Variants in CRTC3 observed in about 807,000 individuals in gnomAD.
CRTC3 encodes the protein CREB regulated transcription coactivator 3.
In CRTC3, 26 loss-of-function variants were observed where a neutral mutation model predicts 74.5. That is an observed-to-expected ratio of 0.35 (90% CI 0.26 to 0.48). The LOEUF is 0.48. Ranked by LOEUF, CRTC3 falls within the 20% of genes least tolerant of loss-of-function variation. The pLI is 0.99. For synonymous variants in CRTC3, 377 were observed against 325.8 expected, an observed-to-expected ratio of 1.16 and a Z score of -1.69; for missense variants, 760 against 787.3, an observed-to-expected ratio of 0.97 and a Z score of 0.41.
intron 1 of CRTC3, among the ~76,000 whole-genome samples, chr15:90,535,383 G>A (rs1036399832): frequency 6.6e-6 from 1 of 152,180 alleles, no homozygotes; most frequent in Admixed American, 6.5e-5. Context: ...CAAAAGATGT[G>A]TCCTTTGGTC....
chr15:90,537,610 T>G (rs945022699), intron 1 of CRTC3, among the ~76,000 whole-genome samples: 2 of 152,174 alleles, frequency 1.3e-5, no homozygotes, highest in Non-Finnish European at 1.5e-5. Flanking sequence ...GGTCTCGATC[T>G]CCTGACCTCG....
At chr15:90,638,882 G>T in intron 13 of CRTC3, 67 bp downstream of exon 13, 1 of 1,354,940 alleles carries the variant, frequency 7.4e-7, no homozygotes, top group Non-Finnish European at 1.1e-6. Flanking sequence ...TGTTCATTCT[G>T]TAGAATTCAG....
chr15:90,560,138 T>C (rs1420881314), intron 2 of CRTC3, among the ~76,000 whole-genome samples: 7 of 152,254 alleles, frequency 4.6e-5, no homozygotes, highest in African/African-American at 1.7e-4. Flanking sequence ...CCTTCTTTTA[T>C]TCATCTAGTT....
At chr15:90,578,416 A>G (rs114749496) in intron 2 of CRTC3, among the ~76,000 whole-genome samples, 1,976 of 152,068 alleles carry the variant, frequency 0.013, 55 homozygotes, top group East Asian at 0.11. Context: ...GCGTGGTGGC[A>G]TACACCTGTA....
At position 90,638,145 on chromosome 15, in the gene CRTC3, T is replaced by TAAAACAAAACAAAAC. The variant is rs71463752; in HGVS notation, c.1267-299_1267-285dup. 824 of 356,972 alleles carry TAAAACAAAACAAAAC rather than the reference T, an allele frequency of 2.3e-3. 5 individuals are homozygous for TAAAACAAAACAAAAC. Among genetic ancestry groups the TAAAACAAAACAAAAC allele is most frequent in the African/African-American group, 0.016 (747 of 46,816 alleles). 22.1% of individuals were successfully genotyped at this position (356,972 alleles called of 1,614,324 possible). A position where few individuals can be genotyped will look rare whatever the true frequency, so the allele number is the denominator to read the frequency against. ...CACTTTTAACCAGAAGACACGGCTA[T>TAAAACAAAACAAAAC]AAAACAAAACAAAACATGATTTTCA... On this transcript the variant is annotated intron_variant, in intron 11 of 14. Transcript: ENST00000268184.
chr15:90,533,677 T>C (rs1335422187), intron 1 of CRTC3, among the ~76,000 whole-genome samples: 1 of 152,126 alleles, frequency 6.6e-6, no homozygotes, highest in Admixed American at 6.6e-5. Flanking sequence ...GGGTATATAG[T>C]AATGAGCAAG....
At chr15:90,533,348 A>C (rs1966663535) in intron 1 of CRTC3, among the ~76,000 whole-genome samples, 1 of 145,796 alleles carries the variant, frequency 6.9e-6, no homozygotes, top group Non-Finnish European at 1.5e-5. Context: ...GTGAACCCGG[A>C]AGGCGGAGCT....
chr15:90,563,389 G>T (rs1176659190), intron 2 of CRTC3, among the ~76,000 whole-genome samples: 1 of 152,044 alleles, frequency 6.6e-6, no homozygotes, highest in Non-Finnish European at 1.5e-5. Context: ...CTGGGCAACA[G>T]AGTGAGACTC....
At chr15:90,630,755 C>CTTTTTTT (rs1290271902) in intron 11 of CRTC3, among the ~76,000 whole-genome samples, 4 of 37,516 alleles carry the variant, frequency 1.1e-4, no homozygotes, top group African/African-American at 3.1e-4. Flanking sequence ...ATTACAGCAT[C>CTTTTTTT]ATTTTTTTTT....
At chr15:90,632,442 A>AG (rs1167337301) in intron 11 of CRTC3, among the ~76,000 whole-genome samples, 2 of 152,222 alleles carry the variant, frequency 1.3e-5, no homozygotes, top group East Asian at 3.8e-4. Flanking sequence ...TCTTAAAAAA[A>AG]GGAAATTTTA....
At chr15:90,623,013 G>A (rs1424552728) in intron 9 of CRTC3, among the ~76,000 whole-genome samples, 1 of 152,118 alleles carries the variant, frequency 6.6e-6, no homozygotes, top group Middle Eastern at 3.2e-3. Context: ...AGAAAAGTGA[G>A]GCGAGGCTGG....
chr15:90,555,033 C>T (rs1316266142), intron 2 of CRTC3, among the ~76,000 whole-genome samples: 2 of 152,140 alleles, frequency 1.3e-5, no homozygotes, highest in Admixed American at 6.6e-5. Context: ...GCTATATCTA[C>T]AGCTGTTGGG....
intron 2 of CRTC3, among the ~76,000 whole-genome samples, chr15:90,590,860 AC>A: frequency 6.6e-6 from 1 of 152,310 alleles, no homozygotes; most frequent in African/African-American, 2.4e-5. Context: ...AGAGATTAAC[AC>A]CCCACAACTG....
At chr15:90,625,420 T>C (rs1968799174) in intron 9 of CRTC3, among the ~76,000 whole-genome samples, 1 of 152,254 alleles carries the variant, frequency 6.6e-6, no homozygotes, top group African/African-American at 2.4e-5. Flanking sequence ...CTTTTTCTGG[T>C]AGCAAAGATA....
chr15:90,550,226 C>G (rs183835511), intron 2 of CRTC3, among the ~76,000 whole-genome samples: 1 of 151,202 alleles, frequency 6.6e-6, no homozygotes, highest in Non-Finnish European at 1.5e-5. Context: ...GTCAGGAGTT[C>G]GAGACCAACC....
rs78903803 is a variant in CRTC3 at position 90,551,364 on chromosome 15, C to A, written c.231+11227C>A. On this transcript the variant is annotated intron_variant, in intron 2 of 14. Coordinates refer to ENST00000268184, the MANE Select transcript of CRTC3 (RefSeq NM_022769.5). ...GTGCTTCTTACTGTCTCCCCCTCAC[C>A]GCTGCTGTCCAATATGTTAGTCACT... 7.7e-3 allele frequency among the ~76,000 whole-genome samples: 1,170 copies of A among 152,082 alleles called. 44 individuals are homozygous for A. The East Asian group carries it at 0.11, about 14-fold the overall frequency.
At chr15:90,637,994 G>A (rs1478941748) in intron 11 of CRTC3, 4 of 154,790 alleles carry the variant, frequency 2.6e-5, no homozygotes, top group Admixed American at 1.3e-4. Flanking sequence ...CGTGTTGTTT[G>A]TTATCATTTA....
chr15:90,537,445 G>A (rs1211123919), intron 1 of CRTC3, among the ~76,000 whole-genome samples: 2 of 152,036 alleles, frequency 1.3e-5, no homozygotes, highest in African/African-American at 2.4e-5. Flanking sequence ...GTGCAATGGC[G>A]CCATCTCGGC....
intron 11 of CRTC3, among the ~76,000 whole-genome samples, chr15:90,633,468 A>C (rs1463285215): frequency 2.9e-4 from 44 of 152,188 alleles, no homozygotes; most frequent in Admixed American, 2.9e-3. Flanking sequence ...ATTCATTTGT[A>C]AGTTGCATTG....
Sources: gnomAD v4.1 joint callset for allele counts (sites outside exome capture counted in the v4.1 genomes callset) on GRCh38, gnomAD v4.1.1 for gene constraint, MANE v1.5 for transcripts, NCBI Gene and HGNC (gene_info 2026-07-23, HGNC 2026-07-21) for gene names.